The following SPTA1 variants were observed in gnomAD, a reference collection of about 807,000 sequenced individuals.
The protein encoded by SPTA1 is spectrin alpha, erythrocytic 1, also known as spectrin alpha chain, erythrocytic 1.
In SPTA1, 177 loss-of-function variants were observed where a neutral mutation model predicts 324.7. That is an observed-to-expected ratio of 0.55 (90% CI 0.48 to 0.62). SPTA1 has a LOEUF of 0.62. Ranked by LOEUF, SPTA1 falls within the 20% of genes least tolerant of loss-of-function variation. SPTA1 has a pLI of 0.00. For missense variants in SPTA1, 3,162 were observed against 2,883.6 expected, an observed-to-expected ratio of 1.10 and a Z score of -2.21; for synonymous variants, 1,195 against 1,041.3, an observed-to-expected ratio of 1.15 and a Z score of -2.84.
In SPTA1 at chr1:158,657,795, T is replaced by C. The variant is rs1489331931; in HGVS notation, c.2588-101A>G. The C allele has an allele frequency of 6.5e-6, 8 of 1,232,004 alleles. No individual in the cohort carries two copies. In the East Asian group the frequency reaches 1.4e-4, roughly 22 times the overall value. The allele number at this position is 1,232,004 out of a possible 1,614,324, so 76.3% of individuals were successfully genotyped here. Reference sequence around the variant, plus strand: ...GAAAAGAGAAAGGAAGTGATAAAAATGGTATGTTATTTAGTCGACGTTATA... The same window carrying C: ...GAAAAGAGAAAGGAAGTGATAAAAACGGTATGTTATTTAGTCGACGTTATA... On this transcript the variant is annotated intron_variant, in intron 18 of 51. Coordinates refer to ENST00000643759, the MANE Select transcript of SPTA1 (RefSeq NM_003126.4).
At chr1:158,647,770 C>T (rs779102518) in intron 26 of SPTA1, 50 bp from the exon 27 acceptor site, 2 of 1,605,646 alleles carry the variant, frequency 1.2e-6, no homozygotes, top group East Asian at 2.2e-5. Flanking sequence ...ACACCTGAAT[C>T]TTAGCAAAAG....
At chr1:158,679,360 C>T (rs1356878456) in intron 5 of SPTA1, among the ~76,000 whole-genome samples, 1 of 152,054 alleles carries the variant, frequency 6.6e-6, no homozygotes, top group Non-Finnish European at 1.5e-5. Flanking sequence ...TGCTGCTCAT[C>T]CCTTCAAAAG....
chr1:158,611,131 GCACA>G lies in SPTA1; in HGVS notation c.*129_*132del, dbSNP rs55832242. ...AAATGTAATATGCACACAAACACAA[GCACA>G]CACACACACACACACACACACACAC... On this transcript the variant is annotated 3_prime_UTR_variant, in exon 52 of 52. Transcript: ENST00000643759. The G allele has an allele frequency of 0.11, 69,572 of 657,708 alleles. 1,010 individuals are homozygous for G. The highest frequency in any genetic ancestry group is 0.17 in the African/African-American group (9,149 of 53,318). The allele number at this position is 657,708 out of a possible 1,614,324, so 40.7% of individuals were successfully genotyped here.
At chr1:158,617,411 C>G in intron 47 of SPTA1, 126 bp downstream of exon 47, 1 of 753,946 alleles carries the variant, frequency 1.3e-6, no homozygotes, top group South Asian at 1.5e-5. Context: ...ATGTGATGGC[C>G]TATGGTTAAA....
chr1:158,685,096 G>A lies in SPTA1; in HGVS notation c.264+12C>T. 4 of 1,613,552 alleles carry A rather than the reference G, an allele frequency of 2.5e-6. No homozygotes were observed. Among genetic ancestry groups the A allele is most frequent in the African/African-American group, 1.3e-5 (1 of 75,006 alleles). ...AGGGTCTGCTCTGAGGCAATCAAGAGAACTGAGTGACCTGTATATTAGTTG... is the reference window on the plus strand; with the variant it reads ...AGGGTCTGCTCTGAGGCAATCAAGAAAACTGAGTGACCTGTATATTAGTTG... On this transcript the variant is annotated intron_variant, in intron 2 of 51. Transcript: ENST00000643759.
Position 158,613,745 on chromosome 1 carries a change from A to T in SPTA1, c.6965T>A (p.Phe2322Tyr), listed in dbSNP as rs752568863. Reference protein sequence around the residue: ...EDEHEPKFEKFLDAVDPGRKG... With the variant: ...EDEHEPKFEKYLDAVDPGRKG... ...CCTCCCTGGATCCACAGCATCCAGG[A>T]ACTTCTCAAACTTGGGCTCATGTTC... The change falls in exon 50 of 52, where the codon TTC becomes TAC. Residue 2322 changes from phenylalanine to tyrosine, a missense_variant. Phe to Tyr is a conservative substitution (Grantham distance 22). Transcript: ENST00000643759. 6.2e-7 allele frequency: 1 copy of T among 1,613,824 alleles called. No homozygotes were observed.
At chr1:158,672,846 C>T (rs890898210) in intron 10 of SPTA1, among the ~76,000 whole-genome samples, 10 of 151,718 alleles carry the variant, frequency 6.6e-5, no homozygotes, top group Non-Finnish European at 8.8e-5. Context: ...CCTGTAATGC[C>T]AGCACTTTGG....
At chr1:158,644,443 G>A in intron 29 of SPTA1, 47 bp from the exon 30 acceptor site, 2 of 1,609,290 alleles carry the variant, frequency 1.2e-6, no homozygotes, top group Non-Finnish European at 1.7e-6. Flanking sequence ...CATGTGGTGT[G>A]GAGGAAATGA....
At position 158,642,478 on chromosome 1, in the gene SPTA1, C is replaced by T. The variant is rs750172201; in HGVS notation, c.4670G>A (p.Gly1557Asp). 6 of 1,613,744 alleles carry T rather than the reference C, an allele frequency of 3.7e-6. No individual in the cohort carries two copies. The Admixed American group carries it at 5.0e-5, about 13-fold the overall frequency. The change falls in exon 33 of 52, where the codon GGC becomes GAC. Residue 1557 changes from glycine (G) to aspartate (D), a missense_variant. Gly to Asp is a moderately conservative substitution (Grantham distance 94). Transcript: ENST00000643759. ...EVDGRSEQVHGVINLGNSLIE... is the reference protein window; with the variant it reads ...EVDGRSEQVHDVINLGNSLIE... The stretch of plus-strand genomic sequence containing the variant: ...CAGGGAGTTCCCCAGGTTGATGACG[C>T]CATGCACCTGCTCAGATCGGCCATC...
intron 42 of SPTA1, among the ~76,000 whole-genome samples, chr1:158,625,424 G>A (rs1650206094): frequency 1.3e-5 from 2 of 152,076 alleles, no homozygotes; most frequent in South Asian, 4.1e-4. Context: ...TGAAAATCTG[G>A]TTGGTAATAT....
chr1:158,626,663 T>A (rs907344160), intron 41 of SPTA1, among the ~76,000 whole-genome samples, 176 bp downstream of exon 41: 2 of 148,402 alleles, frequency 1.3e-5, no homozygotes, highest in African/African-American at 2.6e-5. Context: ...TGTGTGTTTA[T>A]GTGTGTGTGT....
At chr1:158,653,187 T>C in intron 22 of SPTA1, 87 bp downstream of exon 22, 1 of 1,579,492 alleles carries the variant, frequency 6.3e-7, no homozygotes, top group Non-Finnish European at 8.7e-7. Context: ...ATCTCAAATC[T>C]AACAGATGCA....
intron 15 of SPTA1, 54 bp from the exon 16 acceptor site, chr1:158,666,551 C>T: frequency 1.4e-6 from 2 of 1,467,658 alleles, no homozygotes; most frequent in Non-Finnish European, 1.9e-6. Flanking sequence ...TTCCTCTTTA[C>T]ACTATAATAT....
In SPTA1 at chr1:158,611,387, G is replaced by T. The variant is rs1649252891; in HGVS notation, c.7137C>A (p.Ala2379=). 1.2e-6 allele frequency: 2 copies of T among 1,613,458 alleles called. No individual in the cohort carries two copies. Among genetic ancestry groups the T allele is most frequent in the Non-Finnish European group, 1.7e-6 (2 of 1,179,596 alleles). The change falls in exon 52 of 52, where the codon GCC becomes GCA. Residue 2379 remains alanine, a splice_region_variant and synonymous_variant. Coordinates refer to ENST00000643759, the MANE Select transcript of SPTA1 (RefSeq NM_003126.4). The part of the protein sequence containing the change: ...SYITKEDMKQ[A]LTPEQVSFCA... ...AGAATGACACTTGCTCTGGGGTAAG[G>T]GCCTGAAAAGTATAAAAAGAGAAAA...
chr1:158,651,446 C>G lies in SPTA1; in HGVS notation c.3398G>C (p.Arg1133Pro), dbSNP rs35733059. ...FQKDLNTNEP[R>P]LRDINKVADD... ...AGCTACCTTGTTGATATCCCTTAGC[C>G]GAGGCTCATTGGTATTCAAATCCTG... The change falls in exon 24 of 52, where the codon CGG becomes CCG. Residue 1133 changes from arginine to proline, a missense_variant. By Grantham distance (103) the Arg-to-Pro change is moderately radical. Transcript: ENST00000643759. 9.3e-4 allele frequency: 1,495 copies of G among 1,613,378 alleles called. 14 individuals carry two copies. The African/African-American group carries it at 0.015, about 16-fold the overall frequency.
intron 43 of SPTA1, among the ~76,000 whole-genome samples, chr1:158,622,154 G>A (rs943132869): frequency 6.6e-6 from 1 of 152,208 alleles, no homozygotes; most frequent in African/African-American, 2.4e-5. Context: ...GTGAGCCACT[G>A]CACCTGGCCT....
intron 21 of SPTA1, among the ~76,000 whole-genome samples, chr1:158,653,976 G>A (rs567711343): frequency 6.3e-4 from 96 of 152,182 alleles, no homozygotes; most frequent in African/African-American, 2.1e-3. Context: ...AAATGGACTG[G>A]CACACATTAT....
In SPTA1 at chr1:158,657,667, G is replaced by C. The variant is rs746695823; in HGVS notation, c.2615C>G (p.Ser872Cys). ...EGHFAAEDVA[S>C]RVKSLNQNME... The stretch of plus-strand genomic sequence containing the variant: ...ATTCTGGTTCAAACTCTTGACCCTA[G>C]AGGCCACATCTTCTGCAGCAAAGTG... The change falls in exon 19 of 52, where the codon TCT (serine) becomes TGT (cysteine). Residue 872 changes from serine to cysteine, a missense_variant. Transcript: ENST00000643759. The C allele has an allele frequency of 6.2e-7, 1 of 1,614,094 alleles. No homozygotes were observed. Among genetic ancestry groups the C allele is most frequent in the Admixed American group, 1.7e-5 (1 of 60,016 alleles).
At position 158,681,657 on chromosome 1, in the gene SPTA1, T is replaced by C. The variant is rs191151467; in HGVS notation, c.401A>G (p.Glu134Gly). Residue 134 changes from glutamate to glycine, a missense_variant, in exon 4 of 52, where the codon GAG (glutamate) becomes GGG (glycine). Coordinates refer to ENST00000643759, the MANE Select transcript of SPTA1 (RefSeq NM_003126.4). ...SAHEETKAHI[E>G]ELRHLWDLLL... is the part of the protein sequence containing the mutation. ...CAGGTCCCACAGGTGGCGTAGCTCC[T>C]CTATATGGGCCTTTAGGAAAGAGGG... The C allele has an allele frequency of 6.1e-5, 98 of 1,613,566 alleles. No individual in the cohort carries two copies. In the African/African-American group the frequency reaches 1.3e-3, roughly 21 times the overall value.
Sources: allele counts gnomAD v4.1 joint callset (sites outside exome capture counted in the v4.1 genomes callset), GRCh38; gene constraint gnomAD v4.1.1; transcripts MANE v1.5; gene names NCBI Gene and HGNC (gene_info 2026-07-23, HGNC 2026-07-21).